Variants in GRID1 observed in about 807,000 individuals in gnomAD.
GRID1 encodes the protein glutamate ionotropic receptor delta type subunit 1.
Under a neutral mutation model 98.0 loss-of-function variants are expected in GRID1, and 28 were observed. The observed-to-expected ratio is 0.29, with a 90% CI of 0.21 to 0.39. The LOEUF is 0.39. GRID1 is among the 10% of genes least tolerant of loss of function. The pLI is 1.00. For synonymous variants in GRID1, 553 were observed against 538.5 expected (o/e 1.03, Z -0.37); for missense variants, 1,111 against 1,340.5 (o/e 0.83, Z 2.67).
At chr10:85,754,143 C>T (rs561043579) in intron 8 of GRID1, among the ~76,000 whole-genome samples, 80 of 152,304 alleles carry the variant, frequency 5.3e-4, no homozygotes, top group African/African-American at 1.8e-3. Flanking sequence ...AAATCACATG[C>T]CACCAGCCTA....
intron 8 of GRID1, among the ~76,000 whole-genome samples, chr10:85,799,532 C>G (rs1395171803): frequency 1.3e-5 from 2 of 152,052 alleles, no homozygotes; most frequent in Non-Finnish European, 2.9e-5. Flanking sequence ...CATAATATTA[C>G]TTAGCGATAA....
At chr10:86,198,276 C>A (rs1395377968) in intron 3 of GRID1, among the ~76,000 whole-genome samples, 2 of 152,094 alleles carry the variant, frequency 1.3e-5, no homozygotes, top group Non-Finnish European at 2.9e-5. Flanking sequence ...GAAGCCTTGG[C>A]AGCTCAGCTC....
chr10:85,868,375 C>G (rs1843242787), intron 6 of GRID1, among the ~76,000 whole-genome samples: 1 of 152,204 alleles, frequency 6.6e-6, no homozygotes, highest in South Asian at 2.1e-4. Context: ...GCACATAGCT[C>G]TCCATCGTAT....
intron 4 of GRID1, among the ~76,000 whole-genome samples, chr10:85,963,256 G>A (rs902548746): frequency 2.0e-5 from 3 of 151,538 alleles, no homozygotes; most frequent in South Asian, 2.1e-4. Flanking sequence ...ATTGGGTTTC[G>A]GGTCCCATGG....
At chr10:85,830,557 CAAACTAT>C (rs1346197907) in intron 8 of GRID1, among the ~76,000 whole-genome samples, 8 of 150,168 alleles carry the variant, frequency 5.3e-5, no homozygotes, top group Non-Finnish European at 1.2e-4. Flanking sequence ...GCAAACTATG[CAAACTAT>C]GCATCCAATA....
chr10:85,992,625 A>G (rs999034940), intron 4 of GRID1, among the ~76,000 whole-genome samples: 5 of 151,076 alleles, frequency 3.3e-5, no homozygotes, highest in Admixed American at 3.3e-4. Flanking sequence ...TGGGGGGGGA[A>G]CAAATGGTAA....
At chr10:86,015,759 T>G (rs566958540) in intron 4 of GRID1, among the ~76,000 whole-genome samples, 1 of 152,344 alleles carries the variant, frequency 6.6e-6, no homozygotes, top group African/African-American at 2.4e-5. Context: ...AATCCGTCAT[T>G]TTAGCTGATT....
At chr10:86,221,998 G>A (rs1413733590) in intron 2 of GRID1, among the ~76,000 whole-genome samples, 1 of 152,134 alleles carries the variant, frequency 6.6e-6, no homozygotes, top group Non-Finnish European at 1.5e-5. Context: ...AGAAACAGGG[G>A]ACAGAGCCAG....
At position 85,673,128 on chromosome 10, in the gene GRID1, G is replaced by A. The variant is rs575073044; in HGVS notation, c.1998-25731C>T. On this transcript the variant is annotated intron_variant, in intron 12 of 15. Coordinates refer to ENST00000327946, the MANE Select transcript of GRID1 (RefSeq NM_017551.3). ...AGTGGAGGAAGTAACTGCATATGTG[G>A]TAGAAATAGCAAGAGAACTAGAATT... is the stretch of plus-strand genomic sequence containing the variant. 1.7e-4 allele frequency among the ~76,000 whole-genome samples: 26 copies of A among 152,342 alleles called. No homozygotes were observed. In the South Asian group the frequency reaches 5.4e-3, roughly 32 times the overall value.
intron 2 of GRID1, among the ~76,000 whole-genome samples, chr10:86,254,042 C>T (rs1846876803): frequency 6.6e-6 from 1 of 152,222 alleles, no homozygotes; most frequent in South Asian, 2.1e-4. Flanking sequence ...CCACCCCCTT[C>T]CCTTGCCACC....
At chr10:86,020,024 G>A (rs1843029321) in intron 4 of GRID1, among the ~76,000 whole-genome samples, 1 of 152,212 alleles carries the variant, frequency 6.6e-6, no homozygotes, top group Non-Finnish European at 1.5e-5. Context: ...GGAAAACCAT[G>A]ACAGACGTCA....
At chr10:86,344,507 G>C (rs1848355312) in intron 2 of GRID1, among the ~76,000 whole-genome samples, 1 of 152,148 alleles carries the variant, frequency 6.6e-6, no homozygotes, top group African/African-American at 2.4e-5. Context: ...GGAGGAGCAG[G>C]GACCAGCAAG....
chr10:85,991,750 G>A (rs1842682993), intron 4 of GRID1, among the ~76,000 whole-genome samples: 1 of 152,210 alleles, frequency 6.6e-6, no homozygotes, highest in Non-Finnish European at 1.5e-5. Flanking sequence ...GTCATTTCAG[G>A]AGAAGGAGGG....
intron 2 of GRID1, among the ~76,000 whole-genome samples, chr10:86,224,912 C>T (rs1248889607): frequency 6.6e-6 from 1 of 152,224 alleles, no homozygotes; most frequent in Non-Finnish European, 1.5e-5. Context: ...GAATCATCAC[C>T]CTCTGCCTCC....
intron 5 of GRID1, among the ~76,000 whole-genome samples, chr10:85,893,351 T>A (rs1263333987): frequency 6.6e-6 from 1 of 152,162 alleles, no homozygotes; most frequent in African/African-American, 2.4e-5. Context: ...CTATTACTTC[T>A]ACTCAACATT....
At chr10:85,658,748 G>A (rs1010238982) in intron 12 of GRID1, among the ~76,000 whole-genome samples, 2 of 151,686 alleles carry the variant, frequency 1.3e-5, no homozygotes, top group African/African-American at 4.9e-5. Context: ...CTGAGGCTGA[G>A]GCTTAAGGAG....
intron 4 of GRID1, among the ~76,000 whole-genome samples, chr10:86,097,075 C>T (rs1264268513): frequency 6.7e-6 from 1 of 149,942 alleles, no homozygotes; most frequent in Admixed American, 6.6e-5. Context: ...CCCAGTGGCC[C>T]CCTGGTCTTC....
chr10:85,660,250 G>C (rs1840950134), intron 12 of GRID1, among the ~76,000 whole-genome samples: 1 of 152,236 alleles, frequency 6.6e-6, no homozygotes, highest in South Asian at 2.1e-4. Context: ...TGGCAGGATA[G>C]AGCATGGTCC....
intron 12 of GRID1, among the ~76,000 whole-genome samples, chr10:85,688,060 G>T (rs555514045): frequency 1.3e-3 from 194 of 152,344 alleles, no homozygotes; most frequent in African/African-American, 4.0e-3. Context: ...GGGAGCACAG[G>T]TTATTGAATG....
Sources: gnomAD v4.1 joint callset for allele counts (sites outside exome capture counted in the v4.1 genomes callset) on GRCh38, gnomAD v4.1.1 for gene constraint, MANE v1.5 for transcripts, NCBI Gene and HGNC (gene_info 2026-07-23, HGNC 2026-07-21) for gene names.